The following IFT74 variants were observed in gnomAD, a reference collection of about 807,000 sequenced individuals.
IFT74 encodes the protein intraflagellar transport protein 74 homolog.
IFT74 carries 92 observed loss-of-function variants against 96.7 expected under a neutral mutation model. The ratio of observed to expected loss-of-function variants is 0.95; its 90% confidence interval spans 0.80 to 1.13. IFT74 has a LOEUF of 1.13. IFT74 is among the 50% of genes most tolerant of loss of function. IFT74 has a pLI of 0.00. For missense variants in IFT74, 811 were observed against 698.2 expected, an observed-to-expected ratio of 1.16 and a Z score of -1.82; for synonymous variants, 223 against 213.2, an observed-to-expected ratio of 1.05 and a Z score of -0.40.
intron 9 of IFT74, among the ~76,000 whole-genome samples, chr9:27,009,906 A>T (rs955955288): frequency 2.0e-5 from 3 of 152,068 alleles, no homozygotes; most frequent in Admixed American, 6.5e-5. Context: ...ATGTATAATG[A>T]TCAAATCGGG....
In IFT74 at chr9:27,048,134, C is replaced by G. The variant is rs1162316684; in HGVS notation, c.1207-14C>G. ...AGTGGATTTTTTTCTATTTTTATTT[C>G]TCTGCAAATGCAGAATATAAATCGT... On this transcript the variant is annotated splice_polypyrimidine_tract_variant and intron_variant, in intron 15 of 19. Coordinates refer to ENST00000380062, the MANE Select transcript of IFT74 (RefSeq NM_025103.4). The G allele has an allele frequency of 2.6e-6, 4 of 1,529,978 alleles. No homozygotes were observed. The African/African-American group carries it at 5.6e-5, about 21-fold the overall frequency. The allele number at this position is 1,529,978 out of a possible 1,614,324, so 94.8% of individuals were successfully genotyped here. A position where few individuals can be genotyped will look rare whatever the true frequency, so the allele number is the denominator to read the frequency against.
chr9:26,967,165 T>A (rs1196305586), intron 2 of IFT74, among the ~76,000 whole-genome samples: 1 of 152,032 alleles, frequency 6.6e-6, no homozygotes, highest in African/African-American at 2.4e-5. Flanking sequence ...AAGGATTGCA[T>A]TGAATTTGTA....
At chr9:26,961,757 G>A (rs184033448) in intron 1 of IFT74, among the ~76,000 whole-genome samples, 192 bp from the exon 2 acceptor site, 1 of 152,162 alleles carries the variant, frequency 6.6e-6, no homozygotes, top group African/African-American at 2.4e-5. Flanking sequence ...AGGAAGGAAT[G>A]TTGCAAGAAA....
At position 27,047,338 on chromosome 9, in the gene IFT74, C is replaced by A; in HGVS notation, c.1173C>A (p.Ala391=). Residue 391 remains alanine (A), a synonymous_variant, in exon 15 of 20, where the codon GCC becomes GCA. Transcript: ENST00000380062. ...QELKRKAQIE[A]NIVALLEHCS... ...TGAAACGAAAGGCACAGATAGAAGC[C>A]AACATTGTTGCACTCTTGGAGCACT... The A allele has an allele frequency of 1.9e-6, 3 of 1,612,792 alleles. No homozygotes were observed. The highest frequency in any genetic ancestry group is 2.5e-6 in the Non-Finnish European group (3 of 1,179,064).
At chr9:27,020,656 A>G (rs1054978778) in intron 12 of IFT74, among the ~76,000 whole-genome samples, 1 of 151,676 alleles carries the variant, frequency 6.6e-6, no homozygotes, top group African/African-American at 2.4e-5. Context: ...TTGTATTTTT[A>G]GTAGAGACGG....
At position 26,962,024 on chromosome 9, in the gene IFT74, G is replaced by A. The variant is rs1826387233; in HGVS notation, c.57G>A (p.Gly19=). 1 of 1,614,182 alleles carries A rather than the reference G, an allele frequency of 6.2e-7. No homozygotes were observed. Among genetic ancestry groups the A allele is most frequent in the East Asian group, 2.2e-5 (1 of 44,884 alleles). Residue 19 remains glycine (G), a synonymous_variant, in exon 2 of 20, where the codon GGG becomes GGA. Transcript: ENST00000380062. ...GCCCTGTTTCAAGAGGTGGAGTTGG[G>A]TTAACAGGAAGGCCTCCTTCTGGGA... ...AARPVSRGGV[G]LTGRPPSGIR... is the part of the protein sequence containing the mutation.
chr9:26,954,390 T>C (rs924180745), upstream of IFT74, among the ~76,000 whole-genome samples: 1 of 152,224 alleles, frequency 6.6e-6, no homozygotes, highest in African/African-American at 2.4e-5. Context: ...TTTGCTGTGC[T>C]CTGCATTTAC....
chr9:26,962,856 G>A (rs1180356113), intron 2 of IFT74, among the ~76,000 whole-genome samples: 24 of 149,662 alleles, frequency 1.6e-4, no homozygotes. Flanking sequence ...ATGACAACTG[G>A]TAAAAACATT....
At chr9:26,953,513 A>G (rs568274910), upstream of IFT74, among the ~76,000 whole-genome samples, 3 of 152,354 alleles carry the variant, frequency 2.0e-5, no homozygotes, top group Non-Finnish European at 2.9e-5. Context: ...TTGGATTTCT[A>G]TAGCCATCTT....
chr9:27,018,920 A>G (rs1829474684), intron 12 of IFT74, among the ~76,000 whole-genome samples: 1 of 152,194 alleles, frequency 6.6e-6, no homozygotes, highest in Non-Finnish European at 1.5e-5. Context: ...ATTTTAGTAT[A>G]TTCACAGAAG....
chr9:26,973,459 A>C (rs780498009), intron 2 of IFT74, among the ~76,000 whole-genome samples: 1 of 152,226 alleles, frequency 6.6e-6, no homozygotes, highest in Admixed American at 6.5e-5. Context: ...TTTGATGTCT[A>C]TTGGGGGAAC....
At chr9:27,006,822 T>C (rs1333898394) in intron 8 of IFT74, among the ~76,000 whole-genome samples, 2 of 148,892 alleles carry the variant, frequency 1.3e-5, no homozygotes, top group Non-Finnish European at 3.0e-5. Flanking sequence ...TGTTTACTTA[T>C]TATTGTGTGT....
intron 2 of IFT74, among the ~76,000 whole-genome samples, chr9:26,977,072 A>G (rs1272097599): frequency 6.6e-6 from 1 of 152,230 alleles, no homozygotes; most frequent in East Asian, 1.9e-4. Flanking sequence ...AGAAAATAAA[A>G]ATCAACTATA....
chr9:26,971,142 T>C (rs1394533044), intron 2 of IFT74, among the ~76,000 whole-genome samples: 1 of 152,172 alleles, frequency 6.6e-6, no homozygotes, highest in East Asian at 1.9e-4. Flanking sequence ...GAGAAGGAGA[T>C]AGTCTCTACA....
At chr9:27,040,618 T>C (rs1350019560) in intron 13 of IFT74, among the ~76,000 whole-genome samples, 2 of 150,644 alleles carry the variant, frequency 1.3e-5, no homozygotes, top group Non-Finnish European at 3.0e-5. Flanking sequence ...TTCCAAGTGC[T>C]AAGAAACAGT....
intron 18 of IFT74, among the ~76,000 whole-genome samples, chr9:27,057,686 G>A (rs960482877): frequency 7.2e-5 from 11 of 151,916 alleles, no homozygotes; most frequent in African/African-American, 1.2e-4. Context: ...GTGAAACCCC[G>A]TCTCTACTAA....
intron 5 of IFT74, 33 bp from the exon 6 acceptor site, chr9:26,984,466 A>C (rs746474471): frequency 1.3e-6 from 2 of 1,594,870 alleles, no homozygotes; most frequent in South Asian, 2.3e-5. Context: ...TTTTATGTAC[A>C]TATTTATGAA....
At chr9:27,019,609 GTATTT>G (rs1829503763) in intron 12 of IFT74, among the ~76,000 whole-genome samples, 1 of 150,714 alleles carries the variant, frequency 6.6e-6, no homozygotes, top group Non-Finnish European at 1.5e-5. Flanking sequence ...TACATGCTTA[GTATTT>G]TATTAATTTT....
intron 13 of IFT74, among the ~76,000 whole-genome samples, chr9:27,039,186 T>A (rs1819354140): frequency 6.6e-6 from 1 of 152,126 alleles, no homozygotes. Flanking sequence ...AGTTTATGCT[T>A]CTTTTTTTTT....
Sources: gnomAD v4.1 joint callset for allele counts (sites outside exome capture counted in the v4.1 genomes callset) on GRCh38, gnomAD v4.1.1 for gene constraint, MANE v1.5 for transcripts, NCBI Gene and HGNC (gene_info 2026-07-23, HGNC 2026-07-21) for gene names.